Variants in HHLA2 observed in about 807,000 individuals in gnomAD.
The protein encoded by HHLA2 is HERV-H LTR-associating protein 2.
In HHLA2, 48 loss-of-function variants were observed where a neutral mutation model predicts 45.9. The ratio of observed to expected loss-of-function variants is 1.05; its 90% CI spans 0.83 to 1.33. HHLA2 has a LOEUF of 1.33. Ranked by LOEUF, HHLA2 falls within the 40% of genes most tolerant of loss-of-function variation. HHLA2 has a pLI of 0.00. For synonymous variants in HHLA2, 161 were observed against 173.9 expected (o/e 0.93, Z 0.59); for missense variants, 462 against 494.3 (o/e 0.93, Z 0.62).
intron 8 of HHLA2, among the ~76,000 whole-genome samples, chr3:108,368,365 C>A (rs1418981378): frequency 2.6e-5 from 4 of 151,656 alleles, no homozygotes; most frequent in Admixed American, 2.0e-4. Context: ...ACAATATTAA[C>A]TTTAAATGTA....
At chr3:108,331,441 T>G (rs1210947092) in intron 3 of HHLA2, among the ~76,000 whole-genome samples, 2 of 152,160 alleles carry the variant, frequency 1.3e-5, no homozygotes, top group African/African-American at 4.8e-5. Context: ...TGCAGAACCA[T>G]TTGAAAGTAA....
At chr3:108,340,951 T>TTCCTTCCTTCCTTCCTTCCTTCCTTC (rs1560230330) in intron 3 of HHLA2, among the ~76,000 whole-genome samples, 1 of 104,192 alleles carries the variant, frequency 9.6e-6, no homozygotes, top group African/African-American at 4.8e-5. Flanking sequence ...TTCCTTCCTT[T>TTCCTTCCTTCCTTCCTTCCTTCCTTC]CTTTCTTTCT....
intron 1 of HHLA2, among the ~76,000 whole-genome samples, chr3:108,307,677 C>T (rs1239780125): frequency 6.6e-6 from 1 of 151,976 alleles, no homozygotes; most frequent in African/African-American, 2.4e-5. Context: ...GCCCAGCTTC[C>T]ACTTTGTTAA....
chr3:108,304,055 G>A (rs576186173), intron 1 of HHLA2, among the ~76,000 whole-genome samples: 14 of 152,182 alleles, frequency 9.2e-5, no homozygotes, highest in Non-Finnish European at 1.8e-4. Context: ...GTGTGTATAC[G>A]CGTGTGTAGT....
chr3:108,315,534 G>A (rs549073934), intron 2 of HHLA2, among the ~76,000 whole-genome samples: 1 of 152,118 alleles, frequency 6.6e-6, no homozygotes, highest in Non-Finnish European at 1.5e-5. Context: ...CTTGATTGAT[G>A]TTTGGCCCAG....
chr3:108,334,774 C>T (rs1560221316), intron 3 of HHLA2, among the ~76,000 whole-genome samples: 1 of 152,126 alleles, frequency 6.6e-6, no homozygotes, highest in South Asian at 2.1e-4. Context: ...AACAGCAGAA[C>T]GTCACTTTCA....
At chr3:108,332,977 T>C (rs1021236347) in intron 3 of HHLA2, among the ~76,000 whole-genome samples, 6 of 152,184 alleles carry the variant, frequency 3.9e-5, no homozygotes, top group African/African-American at 1.2e-4. Context: ...TAGACACCTA[T>C]AGAAAGGTAA....
At chr3:108,361,596 G>C (rs2081985857) in intron 7 of HHLA2, among the ~76,000 whole-genome samples, 1 of 152,176 alleles carries the variant, frequency 6.6e-6, no homozygotes, top group Non-Finnish European at 1.5e-5. Flanking sequence ...AAGATCTACA[G>C]TAAGAAAGAA....
chr3:108,365,573 A>G (rs533022733), intron 8 of HHLA2, among the ~76,000 whole-genome samples: 84 of 152,346 alleles, frequency 5.5e-4, no homozygotes, highest in African/African-American at 2.0e-3. Flanking sequence ...TTGAATCTAT[A>G]AATTACTTTG....
rs958427339 is a variant in HHLA2 at position 108,351,785 on chromosome 3, T to C, written c.-26-3T>C. ...ACATGTGCACTTTACTTCTCTTTGA[T>C]AGCATGACTAATATGTTCTGCACAA... On this transcript the variant is annotated splice_region_variant and splice_polypyrimidine_tract_variant and intron_variant, in intron 3 of 10. Transcript: ENST00000619531. The C allele has an allele frequency of 1.9e-6, 3 of 1,602,290 alleles. No individual in the cohort carries two copies. Among genetic ancestry groups the C allele is most frequent in the Non-Finnish European group, 2.6e-6 (3 of 1,171,032 alleles).
At chr3:108,371,361 C>T (rs1243534147) in intron 8 of HHLA2, among the ~76,000 whole-genome samples, 1 of 152,186 alleles carries the variant, frequency 6.6e-6, no homozygotes, top group Non-Finnish European at 1.5e-5. Flanking sequence ...GTACCAGCCA[C>T]TGCAAAAACA....
rs113436204 is a variant in HHLA2 at position 108,312,081 on chromosome 3, C to A, written c.-105+1340C>A. On this transcript the variant is annotated intron_variant, in intron 2 of 10. Transcript: ENST00000619531. ...GGGAGGGAAGAAGCCACGTTCCCCC[C>A]ATTCACCATTCTTACTTCCTGAGGT... 2.0e-3 allele frequency among the ~76,000 whole-genome samples: 304 copies of A among 152,320 alleles called. 2 individuals carry two copies. The highest frequency in any genetic ancestry group is 6.7e-3 in the African/African-American group (277 of 41,566).
chr3:108,360,829 G>A lies in HHLA2; in HGVS notation c.1004-1513G>A, dbSNP rs148536911. On this transcript the variant is annotated intron_variant, in intron 7 of 10. Coordinates refer to ENST00000619531, the Ensembl canonical transcript of HHLA2. ...CAGAAAGTTAAACCAGGGATAAAGC[G>A]GACTCCTGCGTGGAATTTCAGAATG... Among the ~76,000 whole-genome samples, 38 of 152,278 alleles carry A rather than the reference G, an allele frequency of 2.5e-4. No homozygotes were observed. In the East Asian group the frequency reaches 3.9e-3, roughly 15 times the overall value.
chr3:108,306,834 G>T (rs2080938414), intron 1 of HHLA2, among the ~76,000 whole-genome samples: 1 of 151,692 alleles, frequency 6.6e-6, no homozygotes. Context: ...TATTTCCACT[G>T]TTATATTTTC....
chr3:108,314,109 T>C (rs145468721), intron 2 of HHLA2, among the ~76,000 whole-genome samples: 1 of 152,318 alleles, frequency 6.6e-6, no homozygotes, highest in East Asian at 1.9e-4. Flanking sequence ...TTACTTCTGC[T>C]GTGTGGAGTT....
chr3:108,313,017 G>C (rs978894273), intron 2 of HHLA2, among the ~76,000 whole-genome samples: 1 of 152,154 alleles, frequency 6.6e-6, no homozygotes, highest in Non-Finnish European at 1.5e-5. Context: ...AAGGAGAAAA[G>C]TGGTGCCTTG....
chr3:108,363,005 T>G (rs556790399), intron 8 of HHLA2, among the ~76,000 whole-genome samples: 1 of 152,306 alleles, frequency 6.6e-6, no homozygotes, highest in East Asian at 1.9e-4. Context: ...GTGCTCTGAT[T>G]GAAACTGCAT....
At chr3:108,342,325 G>A (rs528194092) in intron 3 of HHLA2, among the ~76,000 whole-genome samples, 10 of 143,170 alleles carry the variant, frequency 7.0e-5, no homozygotes, top group South Asian at 2.3e-4. Context: ...GTGCAACGGC[G>A]CGCTCTCAGC....
At position 108,376,476 on chromosome 3, in the gene HHLA2, CTT is replaced by C. The variant is rs573785338; in HGVS notation, c.1160-9_1160-8del. On this transcript the variant is annotated splice_polypyrimidine_tract_variant and intron_variant, in intron 9 of 10. Coordinates refer to ENST00000619531, the Ensembl canonical transcript of HHLA2. ...TGCAAAGAAATTATTTTTAAGTTCTCTTTTTTTTTCCTGTAGAAAGATGTTGT... is the reference window on the plus strand; with the variant it reads ...TGCAAAGAAATTATTTTTAAGTTCTCTTTTTTTCCTGTAGAAAGATGTTGT... 1.3e-6 allele frequency: 2 copies of C among 1,563,850 alleles called. No individual in the cohort carries two copies. Among genetic ancestry groups the C allele is most frequent in the South Asian group, 2.4e-5 (2 of 84,846 alleles).
Sources: gnomAD v4.1 joint callset for allele counts (sites outside exome capture counted in the v4.1 genomes callset) on GRCh38, gnomAD v4.1.1 for gene constraint, MANE v1.5 for transcripts, NCBI Gene and HGNC (gene_info 2026-07-23, HGNC 2026-07-21) for gene names.